The following SCLT1 variants were observed in gnomAD, a reference collection of about 807,000 sequenced individuals.
The protein encoded by SCLT1 is sodium channel-associated protein 1.
A neutral mutation model predicts 112.8 loss-of-function variants in SCLT1; 78 were observed. The observed-to-expected ratio is 0.69, with a 90% CI of 0.58 to 0.83. The LOEUF is 0.83. Among genes scored for constraint, SCLT1 ranks in the 40% least tolerant of loss-of-function variants. The probability of loss-of-function intolerance (pLI) is 0.00; values close to 1 mark genes in which losing one functional copy is unlikely to be tolerated. For missense variants in SCLT1, 747 were observed against 770.4 expected, an observed-to-expected ratio of 0.97 and a Z score of 0.36; for synonymous variants, 257 against 254.7, an observed-to-expected ratio of 1.01 and a Z score of -0.09.
intron 11 of SCLT1, 31 bp downstream of exon 11, chr4:128,965,196 T>C (rs1047123278): frequency 1.8e-6 from 2 of 1,090,352 alleles, no homozygotes; most frequent in Non-Finnish European, 1.4e-6. Context: ...TTAAAGCATA[T>C]CAACAAAGCT....
intron 18 of SCLT1, among the ~76,000 whole-genome samples, chr4:128,897,358 G>A (rs59304662): frequency 0.037 from 5,659 of 151,984 alleles, 327 homozygotes; most frequent in African/African-American, 0.13. Flanking sequence ...AAGAGAGTGG[G>A]GGCCAATATT....
At chr4:129,050,350 C>A (rs938300088) in intron 2 of SCLT1, among the ~76,000 whole-genome samples, 1 of 152,174 alleles carries the variant, frequency 6.6e-6, no homozygotes, top group Non-Finnish European at 1.5e-5. Flanking sequence ...TACACTCCCA[C>A]CAGCAGTGTA....
At chr4:128,970,751 GA>G in intron 9 of SCLT1, 1 of 254,222 alleles carries the variant, frequency 3.9e-6, no homozygotes, top group Non-Finnish European at 7.5e-6. Flanking sequence ...TAAGTTTCTT[GA>G]AAAAGCACTT....
Position 128,887,306 on chromosome 4 carries a change from G to A in SCLT1, c.2004+1373C>T, listed in dbSNP as rs900442116. 3.3e-5 allele frequency among the ~76,000 whole-genome samples: 5 copies of A among 152,024 alleles called. No individual in the cohort carries two copies. The South Asian group carries it at 8.3e-4, about 25-fold the overall frequency. ...ACTTCATAAGACATAAAAATTATTT[G>A]AAAAGGCTGTAATTACTTTCAAGAG... On this transcript the variant is annotated intron_variant, in intron 20 of 20. Transcript: ENST00000281142.
intron 4 of SCLT1, among the ~76,000 whole-genome samples, chr4:129,041,523 CTTG>C (rs993179533): frequency 2.0e-5 from 3 of 152,148 alleles, no homozygotes; most frequent in Admixed American, 1.3e-4. Context: ...TAAATAAGGG[CTTG>C]TTAAGCTAGC....
intron 5 of SCLT1, among the ~76,000 whole-genome samples, chr4:129,008,700 C>T (rs139322506): frequency 6.6e-6 from 1 of 151,976 alleles, no homozygotes; most frequent in East Asian, 1.9e-4. Context: ...GGTACATGTA[C>T]AGGTTTGTTA....
At chr4:129,031,935 A>T (rs183548538) in intron 5 of SCLT1, among the ~76,000 whole-genome samples, 6 of 152,328 alleles carry the variant, frequency 3.9e-5, no homozygotes, top group Non-Finnish European at 7.3e-5. Flanking sequence ...CTTTCTTCAC[A>T]GAATTAGAAA....
Position 128,948,098 on chromosome 4 carries a change from G to A in SCLT1, c.1293+398C>T, listed in dbSNP as rs142216886. Among the ~76,000 whole-genome samples, 537 of 152,042 alleles carry A rather than the reference G, an allele frequency of 3.5e-3. 2 individuals are homozygous for A. Among genetic ancestry groups the A allele is most frequent in the African/African-American group, 0.012 (515 of 41,450 alleles). ...CTGAATATATTTAAGAAAAGTGTGA[G>A]GCTGAGGCAGGCGGATCACGAGGTC... On this transcript the variant is annotated intron_variant, in intron 15 of 20. Coordinates refer to ENST00000281142, the MANE Select transcript of SCLT1 (RefSeq NM_144643.4).
In SCLT1 at chr4:128,977,699, CAA is replaced by C. The variant is rs531612432; in HGVS notation, c.687-7233_687-7232del. Among the ~76,000 whole-genome samples, 731 of 151,860 alleles carry C rather than the reference CAA, an allele frequency of 4.8e-3. 6 individuals carry two copies. Among genetic ancestry groups the C allele is most frequent in the African/African-American group, 0.017 (694 of 41,390 alleles). ...AATAAATGAAAGAATATGAGAAAGA[CAA>C]AGAAATGACAATTAAGACGGAACGT... On this transcript the variant is annotated intron_variant, in intron 9 of 20. Coordinates refer to ENST00000281142, the MANE Select transcript of SCLT1 (RefSeq NM_144643.4).
rs72924167 is a variant in SCLT1 at position 129,021,499 on chromosome 4, T to C, written c.290+17542A>G. Among the ~76,000 whole-genome samples the C allele has an allele frequency of 4.8e-3, 728 of 152,262 alleles. 4 individuals are homozygous for C. Among genetic ancestry groups the C allele is most frequent in the African/African-American group, 0.016 (657 of 41,568 alleles). On this transcript the variant is annotated intron_variant, in intron 5 of 20. Transcript: ENST00000281142. ...GTCCACCTGATATGATCAAGCTTGG[T>C]TGCGGGAGGGGCATCCGCCATTACT...
At chr4:128,988,424 C>A (rs1224473090) in intron 9 of SCLT1, among the ~76,000 whole-genome samples, 1 of 151,818 alleles carries the variant, frequency 6.6e-6, no homozygotes, top group East Asian at 1.9e-4. Context: ...CAGTTTAAAA[C>A]AATTGGTCAT....
chr4:129,073,212 G>A (rs902196889), intron 2 of SCLT1, among the ~76,000 whole-genome samples: 1 of 152,114 alleles, frequency 6.6e-6, no homozygotes, highest in Non-Finnish European at 1.5e-5. Flanking sequence ...CCTGGGTCCT[G>A]CAATCTGCTT....
intron 14 of SCLT1, 85 bp from the exon 15 acceptor site, chr4:128,948,655 G>A: frequency 2.1e-6 from 2 of 964,410 alleles, no homozygotes; most frequent in South Asian, 1.4e-5. Context: ...GTTCATAATG[G>A]GAATATCATA....
At chr4:128,897,028 A>T (rs1733824985) in intron 18 of SCLT1, among the ~76,000 whole-genome samples, 1 of 152,240 alleles carries the variant, frequency 6.6e-6, no homozygotes, top group South Asian at 2.1e-4. Context: ...ACTATGTGAA[A>T]AGACCAACTC....
At chr4:128,997,807 T>C in intron 8 of SCLT1, 67 bp downstream of exon 8, 1 of 756,076 alleles carries the variant, frequency 1.3e-6, no homozygotes, top group Non-Finnish European at 2.0e-6. Context: ...TGTTGATTTA[T>C]ATTAACATAA....
intron 6 of SCLT1, 46 bp downstream of exon 6, chr4:129,003,695 G>A (rs1455990160): frequency 7.2e-7 from 1 of 1,387,958 alleles, no homozygotes; most frequent in East Asian, 2.4e-5. Flanking sequence ...TTTTTAAAAA[G>A]GTATGTTAAT....
At chr4:129,021,642 T>C (rs1357159557) in intron 5 of SCLT1, among the ~76,000 whole-genome samples, 1 of 152,158 alleles carries the variant, frequency 6.6e-6, no homozygotes, top group African/African-American at 2.4e-5. Flanking sequence ...GGGCAGGACA[T>C]CTCTGAAAGA....
At chr4:128,964,642 CTCCTT>C (rs767910167) in intron 11 of SCLT1, among the ~76,000 whole-genome samples, 22 of 152,182 alleles carry the variant, frequency 1.4e-4, no homozygotes, top group Non-Finnish European at 2.6e-4. Context: ...TAACATTCCT[CTCCTT>C]TCTTTGCCTT....
rs561400298 is a variant in SCLT1 at position 129,062,115 on chromosome 4, C to A, written c.103-18064G>T. On this transcript the variant is annotated intron_variant, in intron 2 of 20. Transcript: ENST00000281142. ...AGGAGTTAATGCAGGCTGCTGAGAT[C>A]CTCCTGCTTACCTTTCCCAAGTAGA... Among the ~76,000 whole-genome samples, 229 of 152,240 alleles carry A rather than the reference C, an allele frequency of 1.5e-3. No individual in the cohort carries two copies. The South Asian group carries it at 0.019, about 13-fold the overall frequency.
Sources: gnomAD v4.1 joint callset for allele counts (sites outside exome capture counted in the v4.1 genomes callset) on GRCh38, gnomAD v4.1.1 for gene constraint, MANE v1.5 for transcripts, NCBI Gene and HGNC (gene_info 2026-07-23, HGNC 2026-07-21) for gene names.